The following MME variants were observed in gnomAD, a reference collection of about 807,000 sequenced individuals.
MME encodes the protein membrane metalloendopeptidase, also known as neprilysin.
A neutral mutation model predicts 113.2 loss-of-function variants in MME; 98 were observed. The observed-to-expected ratio is 0.87, with a 90% CI of 0.74 to 1.02. The LOEUF is 1.02. Ranked by LOEUF, MME falls within the 50% of genes least tolerant of loss-of-function variation. The pLI, the probability that MME is intolerant of heterozygous loss-of-function variation, is 0.00. For synonymous variants in MME, 292 were observed against 300.6 expected (o/e 0.97, Z 0.30); for missense variants, 836 against 896.0 (o/e 0.93, Z 0.86).
intron 16 of MME, among the ~76,000 whole-genome samples, chr3:155,157,515 C>T (rs1365109383): frequency 6.6e-6 from 1 of 152,156 alleles, no homozygotes; most frequent in Non-Finnish European, 1.5e-5. Context: ...TGCATTCCAA[C>T]CAAAAGAACT....
intron 3 of MME, among the ~76,000 whole-genome samples, chr3:155,110,698 C>T (rs1279676460): frequency 1.3e-5 from 2 of 152,078 alleles, no homozygotes; most frequent in Non-Finnish European, 2.9e-5. Flanking sequence ...ACTTTTTTCC[C>T]TTACTGCAAA....
chr3:155,053,740 A>G (rs996670922), intron 1 of MME, among the ~76,000 whole-genome samples: 13 of 152,196 alleles, frequency 8.5e-5, no homozygotes, highest in African/African-American at 3.1e-4. Context: ...AGAGCTATTC[A>G]GTCACAAATA....
At chr3:155,100,350 A>C (rs1365174292) in intron 3 of MME, among the ~76,000 whole-genome samples, 1 of 151,896 alleles carries the variant, frequency 6.6e-6, no homozygotes, top group African/African-American at 2.4e-5. Flanking sequence ...AACCACAATG[A>C]GATATCATCT....
chr3:155,148,467 T>G, intron 15 of MME, 83 bp from the exon 16 acceptor site: 3 of 902,944 alleles, frequency 3.3e-6, no homozygotes, highest in Non-Finnish European at 5.4e-6. Context: ...ACTGATATAA[T>G]TTAAGAAAAT....
At chr3:155,156,237 T>C (rs1240112595) in intron 16 of MME, among the ~76,000 whole-genome samples, 1 of 152,174 alleles carries the variant, frequency 6.6e-6, no homozygotes, top group Admixed American at 6.6e-5. Flanking sequence ...GAACCTAGAA[T>C]TTTTCCTTTA....
intron 1 of MME, among the ~76,000 whole-genome samples, chr3:155,028,399 G>A (rs1022059953): frequency 2.6e-5 from 4 of 152,156 alleles, no homozygotes; most frequent in Non-Finnish European, 5.9e-5. Flanking sequence ...GGAATAGAGA[G>A]GACAGTTAGG....
chr3:155,097,492 A>T (rs539547545), intron 3 of MME, among the ~76,000 whole-genome samples: 1 of 152,332 alleles, frequency 6.6e-6, no homozygotes, highest in South Asian at 2.1e-4. Context: ...AGTAGGCTAA[A>T]TGTTGAAAGC....
At position 155,061,450 on chromosome 3, in the gene MME, CAAAAAAAA is replaced by C. The variant is rs768689390; in HGVS notation, c.-10-22695_-10-22688del. Reference sequence around the variant, plus strand: ...TGGGCGACAGAGCGAGGCTCCATCTCAAAAAAAAAAAAAAAAAAAAGGTATCAAGCATT... The same window carrying C: ...TGGGCGACAGAGCGAGGCTCCATCTCAAAAAAAAAAAAGGTATCAAGCATT... On this transcript the variant is annotated intron_variant, in intron 1 of 22. Transcript: ENST00000492661. 2.3e-4 allele frequency among the ~76,000 whole-genome samples: 12 copies of C among 52,546 alleles called. 1 individual carries two copies. Among genetic ancestry groups the C allele is most frequent in the African/African-American group, 8.1e-4 (12 of 14,888 alleles). The allele number at this position is 52,546 out of a possible 152,430, so 34.5% of individuals were successfully genotyped here.
At chr3:155,069,185 A>T (rs1349140286) in intron 1 of MME, among the ~76,000 whole-genome samples, 2 of 152,194 alleles carry the variant, frequency 1.3e-5, no homozygotes, top group African/African-American at 4.8e-5. Flanking sequence ...AATGATATGG[A>T]TAAAAACAGT....
intron 1 of MME, among the ~76,000 whole-genome samples, chr3:155,073,020 TTA>T (rs1175017826): frequency 1.3e-5 from 2 of 152,212 alleles, no homozygotes; most frequent in Non-Finnish European, 2.9e-5. Context: ...ATTTGTATTG[TTA>T]TGTTTCCTAC....
At chr3:155,124,896 G>A in intron 8 of MME, among the ~76,000 whole-genome samples, 1 of 152,228 alleles carries the variant, frequency 6.6e-6, no homozygotes, top group Non-Finnish European at 1.5e-5. Flanking sequence ...TGCCCCCAGA[G>A]GTGGAGCCTA....
At position 155,143,501 on chromosome 3, in the gene MME, A is replaced by G. The variant is rs754187153; in HGVS notation, c.1247A>G (p.Asn416Ser). ...ATWRRCANYV[N>S]GNMENAVGRL... is the part of the protein sequence containing the mutation. ...TGGAGACGTTGTGCAAACTATGTCA[A>G]TGGGAATATGGAAAATGCTGTGGGG... The change falls in exon 13 of 23, where the codon AAT becomes AGT. Residue 416 changes from asparagine (N) to serine (S), a missense_variant. By Grantham distance (46) the Asn-to-Ser change is conservative (BLOSUM62 1). Coordinates refer to ENST00000360490, the MANE Select transcript of MME (RefSeq NM_007289.4). The G allele has an allele frequency of 5.0e-6, 8 of 1,612,754 alleles. No homozygotes were observed. In the South Asian group the frequency reaches 6.6e-5, roughly 13 times the overall value.
At chr3:155,127,980 A>G (rs1442364279) in intron 8 of MME, among the ~76,000 whole-genome samples, 2 of 152,224 alleles carry the variant, frequency 1.3e-5, no homozygotes, top group Non-Finnish European at 2.9e-5. Context: ...TCTGAATCAG[A>G]CTAGCAAACA....
At position 155,182,259 on chromosome 3, in the gene MME, T is replaced by C. The variant is rs1713166355; in HGVS notation, c.*1800T>C. 6.6e-6 allele frequency: 1 copy of C among 152,258 alleles called. No individual in the cohort carries two copies. Among genetic ancestry groups the C allele is most frequent in the South Asian group, 2.1e-4 (1 of 4,828 alleles). 9.4% of individuals were successfully genotyped at this position (152,258 alleles called of 1,614,324 possible). On this transcript the variant is annotated 3_prime_UTR_variant, in exon 23 of 23. Coordinates refer to ENST00000360490, the MANE Select transcript of MME (RefSeq NM_007289.4). ...GTGCTGATTGTGGATCTTTTCATTC[T>C]CATTGCAGAATAATGTTCTATTGTG...
intron 17 of MME, among the ~76,000 whole-genome samples, chr3:155,163,907 C>G (rs1315184880): frequency 1.3e-5 from 2 of 151,882 alleles, no homozygotes; most frequent in Non-Finnish European, 2.9e-5. Flanking sequence ...GTTTGGAAAG[C>G]TGAGGTAGGC....
rs750973587 is a variant in MME at position 155,116,865 on chromosome 3, T to C, written c.536-3T>C. 11 of 1,587,010 alleles carry C rather than the reference T, an allele frequency of 6.9e-6. No homozygotes were observed. In the South Asian group the frequency reaches 1.0e-4, roughly 14 times the overall value. ...AGATATATTTTATCTTTTATTGCTT[T>C]AGGTGCTTCTTGGACAGCTGAAAAA... On this transcript the variant is annotated splice_polypyrimidine_tract_variant and splice_region_variant and intron_variant, in intron 6 of 22. Transcript: ENST00000360490.
intron 3 of MME, among the ~76,000 whole-genome samples, chr3:155,103,742 ACT>A (rs758938028): frequency 7.9e-5 from 12 of 151,770 alleles, no homozygotes; most frequent in African/African-American, 2.7e-4. Flanking sequence ...CTCTTTTAAC[ACT>A]CTGTGTTCTT....
At chr3:155,043,852 A>C (rs956601605) in intron 1 of MME, among the ~76,000 whole-genome samples, 38 of 152,084 alleles carry the variant, frequency 2.5e-4, no homozygotes, top group African/African-American at 8.9e-4. Flanking sequence ...TGCTATACTT[A>C]CATGTTTACT....
At chr3:155,152,192 C>T (rs917585137) in intron 16 of MME, among the ~76,000 whole-genome samples, 6 of 152,286 alleles carry the variant, frequency 3.9e-5, no homozygotes, top group African/African-American at 1.4e-4. Flanking sequence ...GTCTTTCTTA[C>T]ATCCTTGTCT....
Sources: allele counts gnomAD v4.1 joint callset (sites outside exome capture counted in the v4.1 genomes callset), GRCh38; gene constraint gnomAD v4.1.1; transcripts MANE v1.5; gene names NCBI Gene and HGNC (gene_info 2026-07-23, HGNC 2026-07-21).